Variants in SLC71A2 observed in about 807,000 individuals in gnomAD.
The protein encoded by SLC71A2 is solute carrier family 71 member 2.
chr9:94,376,106 A>G, the SLC71A2 span, among the ~76,000 whole-genome samples: 2 of 151,960 alleles, frequency 1.3e-5, no homozygotes, highest in Non-Finnish European at 2.9e-5. Flanking sequence ...AATTCTGTAT[A>G]ATTGCTTGCT....
chr9:94,422,935 CTT>C, the SLC71A2 span, among the ~76,000 whole-genome samples: 77 of 134,624 alleles, frequency 5.7e-4, no homozygotes, highest in African/African-American at 1.2e-3. Flanking sequence ...GTCTTTCTTC[CTT>C]TTTTTTTTTT....
At chr9:94,428,960 CTA>C in the SLC71A2 span, among the ~76,000 whole-genome samples, 1 of 151,790 alleles carries the variant, frequency 6.6e-6, no homozygotes, top group Non-Finnish European at 1.5e-5. Flanking sequence ...TTTCACTTAA[CTA>C]TGTGCATTTG....
the SLC71A2 span, among the ~76,000 whole-genome samples, chr9:94,381,734 G>A: frequency 2.0e-5 from 3 of 152,198 alleles, no homozygotes; most frequent in African/African-American, 7.2e-5. Flanking sequence ...ACTTTGGGAG[G>A]CCGAGGCAGG....
chr9:94,424,554 C>T, the SLC71A2 span, among the ~76,000 whole-genome samples: 4 of 151,780 alleles, frequency 2.6e-5, no homozygotes, highest in Admixed American at 6.6e-5. Context: ...TGTATAAATT[C>T]CTTAGTGTGG....
At chr9:94,413,250 A>G in the SLC71A2 span, among the ~76,000 whole-genome samples, 1 of 152,160 alleles carries the variant, frequency 6.6e-6, no homozygotes, top group African/African-American at 2.4e-5. Flanking sequence ...AGAAAATGGG[A>G]AAAATGGCAA....
At chr9:94,419,499 G>T in the SLC71A2 span, among the ~76,000 whole-genome samples, 2 of 151,976 alleles carry the variant, frequency 1.3e-5, no homozygotes, top group African/African-American at 4.8e-5. Context: ...TAGTTACAGG[G>T]TTTCACCGTG....
At chr9:94,410,622 A>G in the SLC71A2 span, among the ~76,000 whole-genome samples, 1 of 152,220 alleles carries the variant, frequency 6.6e-6, no homozygotes, top group Non-Finnish European at 1.5e-5. Flanking sequence ...TCACCAATAA[A>G]AAATTGACAG....
At chr9:94,454,032 G>A in the SLC71A2 span, 118 of 1,614,006 alleles carry the variant, frequency 7.3e-5, 2 homozygotes, top group South Asian at 1.2e-3. Flanking sequence ...GCTTCCAGAT[G>A]CTCCAGTTAG....
At chr9:94,377,978 C>T in the SLC71A2 span, among the ~76,000 whole-genome samples, 5 of 152,000 alleles carry the variant, frequency 3.3e-5, no homozygotes, top group African/African-American at 1.2e-4. Flanking sequence ...GTGGCAGGCG[C>T]CTGTAGTCCC....
chr9:94,424,903 C>CTT, the SLC71A2 span, among the ~76,000 whole-genome samples: 1 of 135,598 alleles, frequency 7.4e-6, no homozygotes, highest in African/African-American at 2.8e-5. Context: ...CCACAACTGG[C>CTT]TTTTTTTTTT....
chr9:94,438,344 A>G, the SLC71A2 span: 1 of 1,612,940 alleles, frequency 6.2e-7, no homozygotes, highest in Non-Finnish European at 8.5e-7. Flanking sequence ...AATATGAATT[A>G]CAGGTAATTG....
chr9:94,395,895 A>G, the SLC71A2 span, among the ~76,000 whole-genome samples: 2 of 152,038 alleles, frequency 1.3e-5, no homozygotes, highest in East Asian at 3.9e-4. Flanking sequence ...TTAGCAAGCG[A>G]TCCTCCTCAG....
At chr9:94,379,732 T>G in the SLC71A2 span, among the ~76,000 whole-genome samples, 1 of 152,188 alleles carries the variant, frequency 6.6e-6, no homozygotes, top group South Asian at 2.1e-4. Flanking sequence ...TTTCAAAAAA[T>G]ATTTAATTTT....
the SLC71A2 span, among the ~76,000 whole-genome samples, chr9:94,457,718 A>G: frequency 6.6e-6 from 1 of 152,226 alleles, no homozygotes; most frequent in South Asian, 2.1e-4. Flanking sequence ...GTCAATATAC[A>G]TGTTTCTGAA....
At chr9:94,410,915 G>A in the SLC71A2 span, among the ~76,000 whole-genome samples, 1 of 152,194 alleles carries the variant, frequency 6.6e-6, no homozygotes, top group Non-Finnish European at 1.5e-5. Flanking sequence ...ACAGGCACTT[G>A]CCATCACGCC....
chr9:94,414,147 G>A, the SLC71A2 span, among the ~76,000 whole-genome samples: 9 of 152,316 alleles, frequency 5.9e-5, no homozygotes, highest in Admixed American at 5.2e-4. Flanking sequence ...GTACAGGAAT[G>A]AGAGCAATTT....
At chr9:94,442,972 C>T in the SLC71A2 span, among the ~76,000 whole-genome samples, 2 of 152,070 alleles carry the variant, frequency 1.3e-5, no homozygotes, top group Admixed American at 1.3e-4. Flanking sequence ...GCTTGGCCAA[C>T]AGAGTAGTGA....
chr9:94,420,276 C>T, the SLC71A2 span, among the ~76,000 whole-genome samples: 1 of 152,212 alleles, frequency 6.6e-6, no homozygotes. Context: ...GCCCCATTAA[C>T]TTGACAACAC....
the SLC71A2 span, chr9:94,458,526 T>C: frequency 4.0e-6 from 6 of 1,509,730 alleles, no homozygotes; most frequent in Middle Eastern, 1.8e-4. Flanking sequence ...CAAAATCTTG[T>C]GACCTTAAAT....
Sources: gnomAD v4.1 joint callset for allele counts (sites outside exome capture counted in the v4.1 genomes callset) on GRCh38, gnomAD v4.1.1 for gene constraint, MANE v1.5 for transcripts, NCBI Gene and HGNC (gene_info 2026-07-23, HGNC 2026-07-21) for gene names.